Variants in DZIP1L observed in about 807,000 individuals in gnomAD.
DZIP1L encodes cilium assembly protein DZIP1L.
DZIP1L carries 90 observed loss-of-function variants against 88.7 expected under a neutral mutation model. The observed-to-expected ratio is 1.02, with a 90% CI of 0.86 to 1.21. DZIP1L has a LOEUF of 1.21. Ranked by LOEUF, DZIP1L falls within the 50% of genes most tolerant of loss-of-function variation. The pLI, the probability that DZIP1L is intolerant of heterozygous loss-of-function variation, is 0.00. For synonymous variants in DZIP1L, 363 were observed against 372.1 expected, an observed-to-expected ratio of 0.98 and a Z score of 0.28; for missense variants, 932 against 955.8, an observed-to-expected ratio of 0.98 and a Z score of 0.33.
intron 4 of DZIP1L, among the ~76,000 whole-genome samples, chr3:138,094,168 A>C (rs1944361398): frequency 6.6e-6 from 1 of 152,244 alleles, no homozygotes; most frequent in Non-Finnish European, 1.5e-5. Context: ...CATTGATCAC[A>C]GATCACCATA....
chr3:138,064,788 TGTGTCA>T, intron 14 of DZIP1L, 21 bp from the exon 15 acceptor site: 1 of 1,549,776 alleles, frequency 6.5e-7, no homozygotes, highest in Non-Finnish European at 8.7e-7. Context: ...AAAAAGTGGC[TGTGTCA>T]GTGGGAGAAG....
rs1014035837 is a variant in DZIP1L at position 138,062,395 on chromosome 3, T to G, written c.*421A>C. 13 of 163,548 alleles carry G rather than the reference T, an allele frequency of 7.9e-5. No individual in the cohort carries two copies. Among genetic ancestry groups the G allele is most frequent in the Middle Eastern group, 3.0e-3 (1 of 330 alleles). The allele number at this position is 163,548 out of a possible 1,614,324, so 10.1% of individuals were successfully genotyped here. ...GTAGGTAGGCACTCAGTAAATAATT[T>G]TGGATCAATCACTGAATGACTGACT... On this transcript the variant is annotated 3_prime_UTR_variant, in exon 16 of 16. Transcript: ENST00000327532.
At position 138,064,641 on chromosome 3, in the gene DZIP1L, C is replaced by A. The variant is rs1324606322; in HGVS notation, c.2129G>T (p.Gly710Val). The A allele has an allele frequency of 5.0e-6, 8 of 1,614,072 alleles. No homozygotes were observed. Among genetic ancestry groups the A allele is most frequent in the Non-Finnish European group, 6.8e-6 (8 of 1,180,044 alleles). ...CCTACATCCTACCTGAGGCTTCCTT[C>A]CTGGTGTGGCAGCCCTCTGTGGCCC... ...NAGPQRAATP[G>V]RKPQLSEDES... The change falls in exon 15 of 16, where the codon GGA (glycine) becomes GTA (valine). Residue 710 changes from glycine (G) to valine (V), a missense_variant. Transcript: ENST00000327532.
At chr3:138,114,896 A>C (rs1196497471) in intron 1 of DZIP1L, among the ~76,000 whole-genome samples, 1 of 152,184 alleles carries the variant, frequency 6.6e-6, no homozygotes, top group African/African-American at 2.4e-5. Flanking sequence ...TGCCAATGCG[A>C]TTGCTTTTAA....
At chr3:138,089,328 G>A in intron 5 of DZIP1L, 3 of 946,760 alleles carry the variant, frequency 3.2e-6, no homozygotes, top group Non-Finnish European at 3.8e-6. Context: ...GGGTTCTAAT[G>A]TGTCACTCCT....
chr3:138,113,055 C>T (rs1332748494), intron 1 of DZIP1L, among the ~76,000 whole-genome samples: 4 of 152,168 alleles, frequency 2.6e-5, no homozygotes, highest in African/African-American at 9.7e-5. Context: ...ATTCCTAGAC[C>T]AATATTATGA....
chr3:138,106,070 G>C (rs1044588411), intron 1 of DZIP1L, among the ~76,000 whole-genome samples: 2 of 149,386 alleles, frequency 1.3e-5, no homozygotes, highest in Non-Finnish European at 3.0e-5. Flanking sequence ...GGCAACAAGA[G>C]GTACACTTTA....
intron 11 of DZIP1L, among the ~76,000 whole-genome samples, chr3:138,075,826 G>A (rs1211233120): frequency 1.3e-5 from 2 of 152,150 alleles, no homozygotes; most frequent in Admixed American, 1.3e-4. Context: ...GGGTGGGGTG[G>A]CACGTGCCTG....
chr3:138,087,042 T>G lies in DZIP1L; in HGVS notation c.1000-19A>C. The stretch of plus-strand genomic sequence containing the variant: ...CCGTTTTCTGAAAAAGATTAAAAGC[T>G]TATCAAATGGGCCCTTGCAGGTATT... On this transcript the variant is annotated intron_variant, in intron 6 of 15. Coordinates refer to ENST00000327532, the MANE Select transcript of DZIP1L (RefSeq NM_173543.3). 6.2e-7 allele frequency: 1 copy of G among 1,613,138 alleles called. No individual in the cohort carries two copies. The highest frequency in any genetic ancestry group is 1.1e-5 in the South Asian group (1 of 91,032).
At chr3:138,084,933 T>A (rs1325082550) in intron 7 of DZIP1L, among the ~76,000 whole-genome samples, 2 of 152,250 alleles carry the variant, frequency 1.3e-5, no homozygotes, top group East Asian at 3.8e-4. Flanking sequence ...GATCAGATAG[T>A]TGCAGATATG....
rs576182307 is a variant in DZIP1L at position 138,115,585 on chromosome 3, G to C, written c.-339C>G. 2 of 152,174 alleles carry C rather than the reference G, an allele frequency of 1.3e-5. No individual in the cohort carries two copies. The highest frequency in any genetic ancestry group is 2.9e-5 in the Non-Finnish European group (2 of 68,066). The allele number at this position is 152,174 out of a possible 1,614,324, so 9.4% of individuals were successfully genotyped here. Reference sequence around the variant, plus strand: ...CGGGACCGCGGACAGAGAGCTCCTCGGTGCGTCGGTCAGCTCGTGGCTTGG... The same window carrying C: ...CGGGACCGCGGACAGAGAGCTCCTCCGTGCGTCGGTCAGCTCGTGGCTTGG... On this transcript the variant is annotated 5_prime_UTR_variant, in exon 1 of 16. Coordinates refer to ENST00000327532, the MANE Select transcript of DZIP1L (RefSeq NM_173543.3).
chr3:138,073,417 A>C (rs1008734180), intron 11 of DZIP1L, among the ~76,000 whole-genome samples: 1 of 152,302 alleles, frequency 6.6e-6, no homozygotes, highest in East Asian at 1.9e-4. Context: ...GACACTCCCC[A>C]GTACCAGCCT....
chr3:138,081,781 T>G lies in DZIP1L; in HGVS notation c.1204-17A>C, dbSNP rs771511200. ...GGACTGGATCTGCAAAGAGGTGGAA[T>G]AGAGCGGGTTACAACCAGCAGAGAA... On this transcript the variant is annotated splice_polypyrimidine_tract_variant and intron_variant, in intron 8 of 15. Transcript: ENST00000327532. The G allele has an allele frequency of 7.4e-6, 12 of 1,612,660 alleles. No individual in the cohort carries two copies. The Admixed American group carries it at 8.4e-5, about 11-fold the overall frequency.
intron 1 of DZIP1L, chr3:138,113,533 G>A (rs189316626): frequency 6.6e-6 from 1 of 152,198 alleles, no homozygotes; most frequent in Non-Finnish European, 1.5e-5. Context: ...GCTCAGGCGT[G>A]TCATTAATGC....
At chr3:138,077,388 T>A in intron 11 of DZIP1L, 111 bp downstream of exon 11, 2 of 1,512,298 alleles carry the variant, frequency 1.3e-6, no homozygotes, top group Non-Finnish European at 1.8e-6. Context: ...CTGCCACAAG[T>A]GAGATGAATG....
At chr3:138,096,773 T>G (rs1282780438) in intron 3 of DZIP1L, among the ~76,000 whole-genome samples, 1 of 152,342 alleles carries the variant, frequency 6.6e-6, no homozygotes, top group Non-Finnish European at 1.5e-5. Context: ...AGTGGTACTT[T>G]TTTTTTATGA....
chr3:138,074,396 T>C (rs113638653), intron 11 of DZIP1L, among the ~76,000 whole-genome samples: 9,242 of 152,168 alleles, frequency 0.061, 957 homozygotes, highest in African/African-American at 0.21. Flanking sequence ...GGGATTGGGG[T>C]CCTATTCTTT....
chr3:138,089,469 T>C (rs1360217924), intron 5 of DZIP1L, among the ~76,000 whole-genome samples: 1 of 152,236 alleles, frequency 6.6e-6, no homozygotes, highest in East Asian at 1.9e-4. Flanking sequence ...TAAAGTTCTC[T>C]CTTTAGTCAG....
At chr3:138,114,247 CAAT>C (rs1426494029) in intron 1 of DZIP1L, among the ~76,000 whole-genome samples, 2 of 152,226 alleles carry the variant, frequency 1.3e-5, no homozygotes, top group Non-Finnish European at 1.5e-5. Flanking sequence ...CTGCTCCTAT[CAAT>C]TTGAGTTGAG....
Sources: allele counts gnomAD v4.1 joint callset (sites outside exome capture counted in the v4.1 genomes callset), GRCh38; gene constraint gnomAD v4.1.1; transcripts MANE v1.5; gene names NCBI Gene and HGNC (gene_info 2026-07-23, HGNC 2026-07-21).